The following PCCA variants were observed in gnomAD, a reference collection of about 807,000 sequenced individuals.
PCCA encodes propionyl-CoA carboxylase alpha chain, mitochondrial.
A neutral mutation model predicts 101.3 loss-of-function variants in PCCA; 74 were observed. The observed-to-expected ratio is 0.73, with a 90% confidence interval of 0.61 to 0.89. The LOEUF (loss-of-function observed/expected upper bound fraction) is 0.89. Among genes scored for constraint, PCCA ranks in the 40% least tolerant of loss-of-function variants. PCCA has a pLI of 0.00. For synonymous variants in PCCA, 294 were observed against 313.6 expected, an observed-to-expected ratio of 0.94 and a Z score of 0.66; for missense variants, 891 against 907.0, an observed-to-expected ratio of 0.98 and a Z score of 0.23.
chr13:100,145,777 G>A (rs143140318), intron 4 of PCCA, among the ~76,000 whole-genome samples: 5,030 of 150,638 alleles, frequency 0.033, 275 homozygotes, highest in African/African-American at 0.12. Context: ...CAGGAGAATC[G>A]CTTGAACCCA....
chr13:100,289,367 T>G (rs1445886252), intron 12 of PCCA, among the ~76,000 whole-genome samples: 1 of 152,174 alleles, frequency 6.6e-6, no homozygotes, highest in Non-Finnish European at 1.5e-5. Flanking sequence ...CAGGCTTGTC[T>G]AGAACTCTTG....
intron 8 of PCCA, among the ~76,000 whole-genome samples, chr13:100,248,734 C>G (rs1431789541): frequency 6.6e-6 from 1 of 152,042 alleles, no homozygotes; most frequent in Non-Finnish European, 1.5e-5. Context: ...TTCTCCCAGT[C>G]TAGAACTTAT....
intron 7 of PCCA, among the ~76,000 whole-genome samples, chr13:100,225,100 A>C (rs11839111): frequency 7.9e-5 from 12 of 152,252 alleles, no homozygotes; most frequent in African/African-American, 2.9e-4. Context: ...GGAGCATGGC[A>C]AAACTTGAAG....
In PCCA at chr13:100,391,337, T is replaced by C. The variant is rs568933975; in HGVS notation, c.1746+22763T>C. ...AGATGAAGGGAGAGTTGGTGACTTA[T>C]TCACCTGTGATGGCTGCTGTGGGGG... On this transcript the variant is annotated intron_variant, in intron 19 of 23. Transcript: ENST00000376285. Among the ~76,000 whole-genome samples, 80 of 152,332 alleles carry C rather than the reference T, an allele frequency of 5.3e-4. 1 individual carries two copies. The South Asian group carries it at 6.8e-3, about 13-fold the overall frequency.
At chr13:100,458,960 A>C (rs755554211) in intron 21 of PCCA, among the ~76,000 whole-genome samples, 31 of 152,160 alleles carry the variant, frequency 2.0e-4, no homozygotes, top group Non-Finnish European at 2.9e-4. Context: ...CAGTTCTGGG[A>C]GCCAGGAATC....
At chr13:100,512,175 G>A (rs999437565) in intron 21 of PCCA, among the ~76,000 whole-genome samples, 2 of 152,158 alleles carry the variant, frequency 1.3e-5, no homozygotes, top group Non-Finnish European at 2.9e-5. Flanking sequence ...TCCCACTGGT[G>A]TTTCTTGTCA....
chr13:100,439,987 T>C (rs1595904307), intron 20 of PCCA, among the ~76,000 whole-genome samples: 3 of 151,896 alleles, frequency 2.0e-5, no homozygotes, highest in Non-Finnish European at 2.9e-5. Context: ...CAGAGCTGAT[T>C]GTAGCACCAC....
intron 6 of PCCA, among the ~76,000 whole-genome samples, chr13:100,179,058 C>A (rs1472278922): frequency 7.3e-6 from 1 of 136,894 alleles, no homozygotes; most frequent in Non-Finnish European, 1.5e-5. Context: ...GCCTGGGTGA[C>A]AGAGCGAGAC....
At chr13:100,468,228 C>T (rs9582395) in intron 21 of PCCA, among the ~76,000 whole-genome samples, 17,592 of 152,144 alleles carry the variant, frequency 0.12, 1,812 homozygotes, top group African/African-American at 0.28. Context: ...GTTTTTGCGT[C>T]CTAGAGTACA....
rs566173579 is a variant in PCCA at position 100,528,869 on chromosome 13, A to G, written c.2118+1117A>G. Reference sequence around the variant, plus strand: ...GTGCTGCCCTAGTATCACGACATCCATCCATGATGAGAACTTGGCCTAGGT... The same window carrying G: ...GTGCTGCCCTAGTATCACGACATCCGTCCATGATGAGAACTTGGCCTAGGT... On this transcript the variant is annotated intron_variant, in intron 23 of 23. Coordinates refer to ENST00000376285, the MANE Select transcript of PCCA (RefSeq NM_000282.4). Among the ~76,000 whole-genome samples the G allele has an allele frequency of 9.2e-5, 14 of 152,312 alleles. No homozygotes were observed. The South Asian group carries it at 2.9e-3, about 32-fold the overall frequency.
At chr13:100,470,394 A>T (rs1386781433) in intron 21 of PCCA, among the ~76,000 whole-genome samples, 1 of 152,168 alleles carries the variant, frequency 6.6e-6, no homozygotes, top group African/African-American at 2.4e-5. Context: ...AGTCATTCCC[A>T]AGGAAAAATT....
chr13:100,135,497 GT>G (rs2051051225), intron 4 of PCCA, among the ~76,000 whole-genome samples: 1 of 152,132 alleles, frequency 6.6e-6, no homozygotes, highest in South Asian at 2.1e-4. Flanking sequence ...TATGATTAAT[GT>G]TTGAATGTTG....
At chr13:100,276,781 T>C (rs1179435814) in intron 12 of PCCA, among the ~76,000 whole-genome samples, 2 of 152,178 alleles carry the variant, frequency 1.3e-5, no homozygotes, top group African/African-American at 2.4e-5. Flanking sequence ...TTTTCTTGTC[T>C]CCTATTTGAA....
chr13:100,222,928 T>C (rs2059909263), intron 7 of PCCA, among the ~76,000 whole-genome samples: 2 of 152,230 alleles, frequency 1.3e-5, no homozygotes, highest in Non-Finnish European at 2.9e-5. Flanking sequence ...ACTTCAGTGG[T>C]CTTCTGCAAC....
At chr13:100,137,623 C>G (rs1408470602) in intron 4 of PCCA, among the ~76,000 whole-genome samples, 3 of 152,084 alleles carry the variant, frequency 2.0e-5, no homozygotes, top group African/African-American at 7.2e-5. Flanking sequence ...TGCTCTGAAG[C>G]CTACTTTTTC....
intron 6 of PCCA, among the ~76,000 whole-genome samples, chr13:100,173,937 C>T (rs1205133126): frequency 1.3e-5 from 2 of 152,186 alleles, no homozygotes; most frequent in East Asian, 3.9e-4. Flanking sequence ...CCTTCACTTG[C>T]CACCATGATT....
chr13:100,467,046 C>A (rs934366151), intron 21 of PCCA, among the ~76,000 whole-genome samples: 1 of 152,140 alleles, frequency 6.6e-6, no homozygotes, highest in Non-Finnish European at 1.5e-5. Context: ...TCATTGAAGT[C>A]TCCCCTTTGA....
chr13:100,213,538 A>G (rs1470476698), intron 7 of PCCA, among the ~76,000 whole-genome samples: 2 of 152,184 alleles, frequency 1.3e-5, no homozygotes, highest in African/African-American at 4.8e-5. Context: ...TCTTTTGAGA[A>G]ATGTCTATTC....
intron 18 of PCCA, among the ~76,000 whole-genome samples, chr13:100,350,629 T>C (rs554037002): frequency 5.9e-5 from 9 of 152,256 alleles, no homozygotes; most frequent in Admixed American, 3.9e-4. Flanking sequence ...TTTTGCTTAC[T>C]ATTACATTGT....
Sources: gnomAD v4.1 joint callset for allele counts (sites outside exome capture counted in the v4.1 genomes callset) on GRCh38, gnomAD v4.1.1 for gene constraint, MANE v1.5 for transcripts, NCBI Gene and HGNC (gene_info 2026-07-23, HGNC 2026-07-21) for gene names.